CTDSP1: variants seen among roughly 807,000 people sequenced by gnomAD.
CTDSP1 encodes the protein CTD small phosphatase 1.
In CTDSP1, 15 loss-of-function variants were observed where a neutral mutation model predicts 32.5. The ratio of observed to expected loss-of-function variants is 0.46; its 90% CI spans 0.31 to 0.71. CTDSP1 has a LOEUF of 0.71. CTDSP1 is among the 30% of genes least tolerant of loss of function. CTDSP1 has a pLI of 0.05. For missense variants in CTDSP1, 294 were observed against 351.1 expected (o/e 0.84, Z 1.30); for synonymous variants, 185 against 145.4 (o/e 1.27, Z -1.96).
intron 4 of CTDSP1, chr2:218,402,675 G>A (rs1434330126): frequency 1.3e-6 from 1 of 765,870 alleles, no homozygotes; most frequent in South Asian, 1.4e-5. Context: ...ATTCAGGATA[G>A]GTTGTGTGCT....
chr2:218,401,803 G>A, intron 2 of CTDSP1, 91 bp downstream of exon 2: 2 of 1,270,496 alleles, frequency 1.6e-6, no homozygotes, highest in Non-Finnish European at 2.1e-6. Flanking sequence ...TTTTCAGGAT[G>A]GACTTGCAGA....
chr2:218,400,939 G>A (rs1228374306), intron 1 of CTDSP1: 7 of 455,664 alleles, frequency 1.5e-5, no homozygotes, highest in South Asian at 7.8e-5. Context: ...CCGGAACTGA[G>A]GGCAAGGTGG....
At chr2:218,398,579 CG>C, upstream of CTDSP1, 2 of 793,118 alleles carry the variant, frequency 2.5e-6, no homozygotes, top group Non-Finnish European at 3.6e-6. Context: ...CTTCCCCTCC[CG>C]GCCCCCGCGC....
intron 2 of CTDSP1, 26 bp downstream of exon 2, chr2:218,401,738 G>A (rs549688651): frequency 2.1e-5 from 32 of 1,529,496 alleles, no homozygotes; most frequent in Middle Eastern, 1.8e-4. Flanking sequence ...GTGGGGCCAC[G>A]GGGGCACCTG....
upstream of CTDSP1, chr2:218,396,669 G>A (rs1006185475): frequency 2.0e-5 from 3 of 152,852 alleles, no homozygotes; most frequent in Admixed American, 6.5e-5. Context: ...CGCCTCCTCT[G>A]GGTTTGGCAC....
rs1280984969 is a variant in CTDSP1, at chr2:218,404,796, C to G, written c.*371C>G. On this transcript the variant is annotated 3_prime_UTR_variant, in exon 7 of 7. Transcript: ENST00000273062. ...GGGGCAGGGTTCCTGCCTTGGACCCCCAGTCTGGGAACGGTGGACATCAAG... is the reference window on the plus strand; with the variant it reads ...GGGGCAGGGTTCCTGCCTTGGACCCGCAGTCTGGGAACGGTGGACATCAAG... 1 of 194,422 alleles carries G rather than the reference C, an allele frequency of 5.1e-6. No individual in the cohort carries two copies. Among genetic ancestry groups the G allele is most frequent in the Non-Finnish European group, 1.1e-5 (1 of 94,100 alleles). 12.0% of individuals were successfully genotyped at this position (194,422 alleles called of 1,614,324 possible).
In CTDSP1 at chr2:218,400,622, G is replaced by A. The variant is rs1166146474; in HGVS notation, c.67+465G>A. 3 of 413,084 alleles carry A rather than the reference G, an allele frequency of 7.3e-6. No homozygotes were observed. The Admixed American group carries it at 8.0e-5, about 11-fold the overall frequency. The allele number at this position is 413,084 out of a possible 1,614,324, so 25.6% of individuals were successfully genotyped here. On this transcript the variant is annotated intron_variant, in intron 1 of 6. Coordinates refer to ENST00000273062, the MANE Select transcript of CTDSP1 (RefSeq NM_021198.3). ...AGGTGACAGCAGGCTGGGGAGGCTTGGAGGGATCTCCCGCCAACACACAGC... is the reference window on the plus strand; with the variant it reads ...AGGTGACAGCAGGCTGGGGAGGCTTAGAGGGATCTCCCGCCAACACACAGC...
At chr2:218,400,917 G>C (rs1331610677) in intron 1 of CTDSP1, 1 of 456,050 alleles carries the variant, frequency 2.2e-6, no homozygotes, top group African/African-American at 2.0e-5. Flanking sequence ...CCCTCGCCTG[G>C]GTCTGGCTGC....
rs1402131692 is a variant in CTDSP1 at position 218,402,229 on chromosome 2, A to G, written c.321+14A>G. 1 of 1,612,872 alleles carries G rather than the reference A, an allele frequency of 6.2e-7. No individual in the cohort carries two copies. On this transcript the variant is annotated intron_variant, in intron 3 of 6. Transcript: ENST00000273062. The stretch of plus-strand genomic sequence containing the variant: ...AGCTCCTTCAAGGTGGGCCCTGCTC[A>G]ACAGCCCTCAGCCCGGGTCTCGGGG...
intron 2 of CTDSP1, 94 bp downstream of exon 2, chr2:218,401,806 C>T (rs1245660051): frequency 1.6e-6 from 2 of 1,236,370 alleles, no homozygotes; most frequent in Non-Finnish European, 2.2e-6. Flanking sequence ...TCAGGATGGA[C>T]TTGCAGACCT....
chr2:218,399,980 T>TGCCAA lies in CTDSP1; in HGVS notation c.-111_-110insGCCAA. 2 of 946,502 alleles carry TGCCAA rather than the reference T, an allele frequency of 2.1e-6. No individual in the cohort carries two copies. The highest frequency in any genetic ancestry group is 2.6e-6 in the Non-Finnish European group (2 of 770,556). 58.6% of individuals were successfully genotyped at this position (946,502 alleles called of 1,614,324 possible). A position where few individuals can be genotyped will look rare whatever the true frequency, so the allele number is the denominator to read the frequency against. ...CCCTCCCCTCCGGAGCTCGCGGGGATCCCTCCCTCCCACCCCTCCCCTCCC... is the reference window on the plus strand; with the variant it reads ...CCCTCCCCTCCGGAGCTCGCGGGGATGCCAACCCTCCCTCCCACCCCTCCCCTCCC... On this transcript the variant is annotated 5_prime_UTR_variant, in exon 1 of 7. In the 5' UTR this introduces an upstream ATG that the reference lacks. Transcript: ENST00000273062.
chr2:218,401,490 C>T lies in CTDSP1; in HGVS notation c.68-74C>T, dbSNP rs980902026. ...GCAAGATCCTCCTGGCTCAGGGGTT[C>T]ACACCTGGGCACACATGCAGGATTC... On this transcript the variant is annotated intron_variant, in intron 1 of 6. Coordinates refer to ENST00000273062, the MANE Select transcript of CTDSP1 (RefSeq NM_021198.3). 6 of 1,546,786 alleles carry T rather than the reference C, an allele frequency of 3.9e-6. No homozygotes were observed. The African/African-American group carries it at 6.8e-5, about 18-fold the overall frequency.
chr2:218,398,535 C>G, upstream of CTDSP1: 1 of 1,280,134 alleles, frequency 7.8e-7, no homozygotes, highest in Non-Finnish European at 1.0e-6. Flanking sequence ...GCGCACGAAG[C>G]CGCCGCGCCT....
Position 218,399,925 on chromosome 2 carries a change from TCCCTCC to T in CTDSP1, c.-156_-151del. On this transcript the variant is annotated 5_prime_UTR_variant, in exon 1 of 7. Coordinates refer to ENST00000273062, the MANE Select transcript of CTDSP1 (RefSeq NM_021198.3). ...GTAACAAAGTTTCCTCCGCGCCCCC[TCCCTCC>T]CCCTCCCCCCTAGAACCTGGCTCCC... 1 of 788,364 alleles carries T rather than the reference TCCCTCC, an allele frequency of 1.3e-6. No individual in the cohort carries two copies. The highest frequency in any genetic ancestry group is 1.5e-6 in the Non-Finnish European group (1 of 656,090). 48.8% of individuals were successfully genotyped at this position (788,364 alleles called of 1,614,324 possible).
Position 218,403,312 on chromosome 2 carries a change from C to G in CTDSP1, c.552C>G (p.His184Gln). The G allele has an allele frequency of 2.5e-6, 4 of 1,614,158 alleles. No homozygotes were observed. The highest frequency in any genetic ancestry group is 3.4e-6 in the Non-Finnish European group (4 of 1,180,030). The change falls in exon 6 of 7, where the codon CAC becomes CAG. Residue 184 changes from histidine (H) to glutamine (Q), a missense_variant. By Grantham distance (24) the His-to-Gln change is conservative. This residue lies in a region of CTDSP1 where 146 missense variants were observed against 237.7 expected (regional missense o/e 0.61). Transcript: ENST00000273062. The part of the protein sequence containing the change: ...ARLFRESCVF[H>Q]RGNYVKDLSR... ...TGTTTCGAGAGTCCTGCGTCTTCCA[C>G]CGGGGGAACTACGTGAAGGACCTGA...
At chr2:218,400,419 G>A (rs1163590107) in intron 1 of CTDSP1, 2 of 572,472 alleles carry the variant, frequency 3.5e-6, no homozygotes, top group Non-Finnish European at 3.2e-6. Context: ...GAACTCTTCG[G>A]GGGTTTCCTG....
At chr2:218,404,272 C>A in intron 6 of CTDSP1, 25 bp from the exon 7 acceptor site, 2 of 1,610,748 alleles carry the variant, frequency 1.2e-6, no homozygotes, top group South Asian at 1.1e-5. Context: ...CTGCCCCCCT[C>A]ATCTTCCTAC....
At chr2:218,399,460 C>G (rs1464584915), upstream of CTDSP1, 1 of 152,238 alleles carries the variant, frequency 6.6e-6, no homozygotes, top group Admixed American at 6.5e-5. Context: ...AGAGAAGACC[C>G]ATTTTACAGA....
upstream of CTDSP1, chr2:218,398,184 G>A (rs964215695): frequency 3.1e-5 from 17 of 548,636 alleles, no homozygotes; most frequent in Non-Finnish European, 5.2e-5. Context: ...CCCACCCAGG[G>A]GGCCGGACCG....
Sources: gnomAD v4.1 joint callset for allele counts on GRCh38, gnomAD v4.1.1 for gene constraint, gnomAD v4.1.1 regional missense constraint, MANE v1.5 for transcripts, NCBI Gene and HGNC (gene_info 2026-07-23, HGNC 2026-07-21) for gene names.